Variants in BRAF observed in about 807,000 individuals in gnomAD.
BRAF encodes the protein serine/threonine-protein kinase B-raf.
Under a neutral mutation model 104.6 loss-of-function variants are expected in BRAF, and 16 were observed. The observed-to-expected ratio is 0.15, with a 90% CI of 0.10 to 0.23. The LOEUF (loss-of-function observed/expected upper bound fraction) is 0.23. Among genes scored for constraint, BRAF ranks in the 10% least tolerant of loss-of-function variants. BRAF has a pLI of 1.00. For missense variants in BRAF, 541 were observed against 937.3 expected (o/e 0.58, Z 5.52); for synonymous variants, 310 against 341.6 (o/e 0.91, Z 1.02).
intron 3 of BRAF, among the ~76,000 whole-genome samples, chr7:140,832,641 G>A (rs184430206): frequency 6.6e-6 from 1 of 152,118 alleles, no homozygotes; most frequent in Non-Finnish European, 1.5e-5. Flanking sequence ...TATTGAATAC[G>A]AATTGTTAAA....
chr7:140,759,824 A>G (rs1253119376), intron 14 of BRAF, among the ~76,000 whole-genome samples: 1 of 152,218 alleles, frequency 6.6e-6, no homozygotes, highest in African/African-American at 2.4e-5. Flanking sequence ...ACACTTTAAT[A>G]TGGACACGAA....
At chr7:140,890,617 C>T (rs148545976) in intron 1 of BRAF, among the ~76,000 whole-genome samples, 1 of 152,278 alleles carries the variant, frequency 6.6e-6, no homozygotes, top group African/African-American at 2.4e-5. Flanking sequence ...AATGACTTTT[C>T]AATCTTAACT....
chr7:140,761,859 C>T (rs1194057720), intron 14 of BRAF, among the ~76,000 whole-genome samples: 4 of 152,142 alleles, frequency 2.6e-5, no homozygotes, highest in Admixed American at 6.5e-5. Flanking sequence ...TATATATGCA[C>T]CCAATACAGG....
At chr7:140,813,448 A>T (rs911771845) in intron 3 of BRAF, among the ~76,000 whole-genome samples, 1 of 152,236 alleles carries the variant, frequency 6.6e-6, no homozygotes, top group Non-Finnish European at 1.5e-5. Flanking sequence ...CCATGAAGCG[A>T]AATTTGTATC....
chr7:140,844,013 A>G (rs933369176), intron 2 of BRAF, among the ~76,000 whole-genome samples: 7 of 152,116 alleles, frequency 4.6e-5, no homozygotes, highest in African/African-American at 1.7e-4. Flanking sequence ...CATCTCAAAA[A>G]AAGAAAAATA....
chr7:140,837,856 TTACTC>T (rs746014355), intron 2 of BRAF, among the ~76,000 whole-genome samples: 9 of 152,204 alleles, frequency 5.9e-5, no homozygotes, highest in Non-Finnish European at 1.0e-4. Context: ...AATGAAAAGT[TTACTC>T]TACTTCTTTA....
At chr7:140,749,071 A>G in intron 17 of BRAF, 2 of 520,812 alleles carry the variant, frequency 3.8e-6, no homozygotes, top group African/African-American at 3.9e-5. Flanking sequence ...AAAATCAGGA[A>G]TTTTATTCCA....
intron 16 of BRAF, among the ~76,000 whole-genome samples, chr7:140,752,742 A>C (rs1797888927): frequency 1.3e-5 from 2 of 152,196 alleles, no homozygotes; most frequent in Non-Finnish European, 2.9e-5. Context: ...TAAAGGAAGT[A>C]ACTTTCCAAT....
At chr7:140,876,902 A>G (rs1812325147) in intron 1 of BRAF, among the ~76,000 whole-genome samples, 1 of 152,180 alleles carries the variant, frequency 6.6e-6, no homozygotes, top group South Asian at 2.1e-4. Flanking sequence ...TCATAAGACA[A>G]ACTTTCACAA....
intron 3 of BRAF, chr7:140,822,390 A>G (rs1805584476): frequency 6.6e-6 from 1 of 152,242 alleles, no homozygotes; most frequent in African/African-American, 2.4e-5. Context: ...GATAATGAAC[A>G]TACCCATCAC....
At position 140,924,347 on chromosome 7, in the gene BRAF, G is replaced by T. The variant is rs1818613065; in HGVS notation, c.138+219C>A. Among the ~76,000 whole-genome samples, 1 of 152,170 alleles carries T rather than the reference G, an allele frequency of 6.6e-6. No homozygotes were observed. Among genetic ancestry groups the T allele is most frequent in the African/African-American group, 2.4e-5 (1 of 41,456 alleles). On this transcript the variant is annotated intron_variant, in intron 1 of 19. Transcript: ENST00000644969. This position sits in a 1 kb window ranked among gnomAD's most constrained non-coding sequence, Gnocchi z 4.2. ...GCCCCAATCCCCACATCTGGGGTGG[G>T]GGCCAGGGAAACCCCCCGGGCCATT...
At chr7:140,718,400 G>A (rs189178622), downstream of BRAF, among the ~76,000 whole-genome samples, 392 of 152,338 alleles carry the variant, frequency 2.6e-3, 10 homozygotes, top group Non-Finnish European at 8.5e-4. Flanking sequence ...ACAGGCATGC[G>A]CCACCACAGC....
At chr7:140,884,361 A>G (rs1289849711) in intron 1 of BRAF, among the ~76,000 whole-genome samples, 3 of 150,418 alleles carry the variant, frequency 2.0e-5, no homozygotes, top group Non-Finnish European at 3.0e-5. Flanking sequence ...GAAGCCCCCA[A>G]TTTAAATCAG....
intron 14 of BRAF, among the ~76,000 whole-genome samples, chr7:140,757,055 C>G (rs891396790): frequency 1.3e-5 from 2 of 152,166 alleles, no homozygotes; most frequent in African/African-American, 4.8e-5. Context: ...AACATTAAAT[C>G]AGACATTATT....
At chr7:140,888,289 T>C (rs1196936943) in intron 1 of BRAF, among the ~76,000 whole-genome samples, 1 of 152,256 alleles carries the variant, frequency 6.6e-6, no homozygotes, top group Non-Finnish European at 1.5e-5. Context: ...CACTTGACAG[T>C]GGCTCTCCTC....
chr7:140,826,069 T>G (rs1806014884), intron 3 of BRAF, among the ~76,000 whole-genome samples: 1 of 152,212 alleles, frequency 6.6e-6, no homozygotes, highest in East Asian at 1.9e-4. Flanking sequence ...ATATTTTCTA[T>G]AACTCTCTTT....
chr7:140,781,791 A>G (rs567246415), intron 11 of BRAF, 98 bp from the exon 11 acceptor site: 1 of 946,316 alleles, frequency 1.1e-6, no homozygotes, highest in East Asian at 2.4e-5. Flanking sequence ...AGAGGGATAC[A>G]GGAAGAGATC....
At chr7:140,903,607 T>C (rs574672448) in intron 1 of BRAF, among the ~76,000 whole-genome samples, 33 of 152,320 alleles carry the variant, frequency 2.2e-4, no homozygotes, top group African/African-American at 7.9e-4. Flanking sequence ...ACATTCCTTA[T>C]TTAAGAAGTA....
intron 2 of BRAF, among the ~76,000 whole-genome samples, chr7:140,842,960 A>G (rs1808132809): frequency 1.3e-5 from 2 of 152,200 alleles, no homozygotes; most frequent in African/African-American, 4.8e-5. Context: ...CAATGAAGAG[A>G]AGAAGCAAGA....
Sources: allele counts gnomAD v4.1 joint callset (sites outside exome capture counted in the v4.1 genomes callset), GRCh38; gene constraint gnomAD v4.1.1; non-coding constraint Gnocchi (gnomAD v3.1); transcripts MANE v1.5; gene names NCBI Gene and HGNC (gene_info 2026-07-23, HGNC 2026-07-21).